Variants in FILIP1 observed in about 807,000 individuals in gnomAD.
FILIP1 encodes the protein filamin A interacting protein 1, also known as filamin-A-interacting protein 1.
FILIP1 carries 61 observed loss-of-function variants against 102.1 expected under a neutral mutation model. That is an observed-to-expected ratio of 0.60 (90% CI 0.49 to 0.74). FILIP1 has a LOEUF of 0.74. Among genes scored for constraint, FILIP1 ranks in the 30% least tolerant of loss-of-function variants. The pLI, the probability that FILIP1 is intolerant of heterozygous loss-of-function variation, is 0.00. For missense variants in FILIP1, 1,314 were observed against 1,441.2 expected, an observed-to-expected ratio of 0.91 and a Z score of 1.43; for synonymous variants, 491 against 526.9, an observed-to-expected ratio of 0.93 and a Z score of 0.93.
chr6:75,436,367 G>GAAA (rs1055766327), intron 1 of FILIP1, among the ~76,000 whole-genome samples: 1 of 146,908 alleles, frequency 6.8e-6, no homozygotes. Context: ...CCTGTCTCAG[G>GAAA]AAAAAAAAAA....
intron 2 of FILIP1, among the ~76,000 whole-genome samples, chr6:75,400,323 G>T (rs946691668): frequency 1.3e-5 from 2 of 152,142 alleles, no homozygotes; most frequent in East Asian, 3.8e-4. Flanking sequence ...CAACTACAAA[G>T]TAATTTTCAA....
chr6:75,471,476 T>C (rs147685733), intron 1 of FILIP1, among the ~76,000 whole-genome samples: 268 of 152,270 alleles, frequency 1.8e-3, no homozygotes, highest in South Asian at 5.2e-3. Context: ...TCAATAAGTA[T>C]ATTTATACAC....
At chr6:75,329,395 C>T (rs547724417) in intron 4 of FILIP1, among the ~76,000 whole-genome samples, 29 of 152,320 alleles carry the variant, frequency 1.9e-4, no homozygotes, top group Non-Finnish European at 2.2e-4. Context: ...AAGATTTTGT[C>T]ACTTGTCCTC....
At chr6:75,460,236 C>T (rs1239513412) in intron 1 of FILIP1, among the ~76,000 whole-genome samples, 2 of 152,116 alleles carry the variant, frequency 1.3e-5, no homozygotes, top group African/African-American at 4.8e-5. Context: ...AACTAGAACC[C>T]TCAAAGTATT....
chr6:75,476,687 A>G (rs1405878468), intron 1 of FILIP1, among the ~76,000 whole-genome samples: 1 of 152,204 alleles, frequency 6.6e-6, no homozygotes, highest in Non-Finnish European at 1.5e-5. Context: ...AGGACTTTAT[A>G]TAATGAAGAT....
At chr6:75,365,317 C>T (rs1217225652) in intron 2 of FILIP1, among the ~76,000 whole-genome samples, 1 of 151,960 alleles carries the variant, frequency 6.6e-6, no homozygotes, top group African/African-American at 2.4e-5. Context: ...GCTTAGAAGA[C>T]AGGGTAGTAA....
chr6:75,327,103 A>G (rs964044326), intron 4 of FILIP1, among the ~76,000 whole-genome samples: 1 of 152,072 alleles, frequency 6.6e-6, no homozygotes, highest in Non-Finnish European at 1.5e-5. Context: ...TGAGCTCCCA[A>G]TCTTCCCCAT....
At chr6:75,292,939 T>C (rs910105313) in exon 7 of FILIP1, 2 of 152,196 alleles carry the variant, frequency 1.3e-5, no homozygotes, top group Non-Finnish European at 2.9e-5. Flanking sequence ...TATTAATGCT[T>C]AGAGATTCCA....
At chr6:75,327,904 C>CA (rs1039521999) in intron 4 of FILIP1, among the ~76,000 whole-genome samples, 1 of 151,538 alleles carries the variant, frequency 6.6e-6, no homozygotes, top group African/African-American at 2.4e-5. Flanking sequence ...ATTCTCTTAA[C>CA]AAAAAAAACC....
chr6:75,435,248 G>A (rs1777977215), intron 1 of FILIP1, among the ~76,000 whole-genome samples: 1 of 152,154 alleles, frequency 6.6e-6, no homozygotes, highest in Non-Finnish European at 1.5e-5. Flanking sequence ...AATCGAAAAA[G>A]TACTCTGTAT....
At chr6:75,331,589 T>C (rs1322781512) in intron 4 of FILIP1, among the ~76,000 whole-genome samples, 1 of 152,168 alleles carries the variant, frequency 6.6e-6, no homozygotes, top group Admixed American at 6.5e-5. Context: ...AGGAAGTAGT[T>C]GTTCAGGGCT....
At chr6:75,471,874 A>G (rs539071911) in intron 1 of FILIP1, among the ~76,000 whole-genome samples, 4 of 152,174 alleles carry the variant, frequency 2.6e-5, no homozygotes, top group African/African-American at 4.8e-5. Context: ...GCTGTGGAGA[A>G]GTCTGGAAGC....
Position 75,437,392 on chromosome 6 carries a change from T to C in FILIP1, c.-6-22414A>G, listed in dbSNP as rs576663545. 5.3e-5 allele frequency among the ~76,000 whole-genome samples: 8 copies of C among 152,368 alleles called. No homozygotes were observed. In the South Asian group the frequency reaches 1.7e-3, roughly 32 times the overall value. The stretch of plus-strand genomic sequence containing the variant: ...AACTGCAGTCAATGTTTTGTTCTTG[T>C]TTTTCTTTCTTTTATTAGAAATAAA... On this transcript the variant is annotated intron_variant, in intron 1 of 5. Coordinates refer to ENST00000237172, the MANE Select transcript of FILIP1 (RefSeq NM_015687.5).
chr6:75,450,622 G>A lies in FILIP1; in HGVS notation c.-6-35644C>T, dbSNP rs145831481. Among the ~76,000 whole-genome samples the A allele has an allele frequency of 6.3e-5, 9 of 142,182 alleles. No homozygotes were observed. In the East Asian group the frequency reaches 1.9e-3, roughly 30 times the overall value. The allele number at this position is 142,182 out of a possible 152,430, so 93.3% of individuals were successfully genotyped here. ...TTATGACACTGCACTCCAGCCTGGGGAACAGAATAAGAACTTCTCTCTTAA... is the reference window on the plus strand; with the variant it reads ...TTATGACACTGCACTCCAGCCTGGGAAACAGAATAAGAACTTCTCTCTTAA... On this transcript the variant is annotated intron_variant, in intron 1 of 5. Transcript: ENST00000237172.
Position 75,483,111 on chromosome 6 carries a change from T to C in FILIP1, c.-7+10303A>G, listed in dbSNP as rs531931525. Among the ~76,000 whole-genome samples, 13 of 152,304 alleles carry C rather than the reference T, an allele frequency of 8.5e-5. No individual in the cohort carries two copies. The South Asian group carries it at 2.5e-3, about 29-fold the overall frequency. On this transcript the variant is annotated intron_variant, in intron 1 of 5. Transcript: ENST00000237172. ...GATTCATTTTACTGGACAACACACATACATTTTTCTCTAGGTGTGAAGAAG... is the reference window on the plus strand; with the variant it reads ...GATTCATTTTACTGGACAACACACACACATTTTTCTCTAGGTGTGAAGAAG...
chr6:75,360,368 T>A (rs936226085), intron 3 of FILIP1, among the ~76,000 whole-genome samples: 4 of 152,188 alleles, frequency 2.6e-5, no homozygotes, highest in African/African-American at 9.7e-5. Flanking sequence ...TCCTAATAAT[T>A]CTTTAGATTC....
chr6:75,336,961 T>C (rs984893308), intron 4 of FILIP1, among the ~76,000 whole-genome samples: 2 of 152,198 alleles, frequency 1.3e-5, no homozygotes, highest in African/African-American at 4.8e-5. Context: ...CGTCCCACTA[T>C]TAGCTTCTGA....
chr6:75,395,048 G>A (rs555723154), intron 2 of FILIP1, among the ~76,000 whole-genome samples: 7 of 152,052 alleles, frequency 4.6e-5, no homozygotes, highest in East Asian at 1.9e-4. Flanking sequence ...ACACTCTGAC[G>A]TCACTGAAAT....
chr6:75,338,256 A>T (rs1386616844), intron 4 of FILIP1, among the ~76,000 whole-genome samples: 8 of 152,234 alleles, frequency 5.3e-5, no homozygotes, highest in African/African-American at 1.7e-4. Context: ...GCTCACATTC[A>T]GCCCCTGAAT....
Sources: allele counts gnomAD v4.1 joint callset (sites outside exome capture counted in the v4.1 genomes callset), GRCh38; gene constraint gnomAD v4.1.1; transcripts MANE v1.5; gene names NCBI Gene and HGNC (gene_info 2026-07-23, HGNC 2026-07-21).